The following ADAMTS16 variants were observed in gnomAD, a reference collection of about 807,000 sequenced individuals.
The protein encoded by ADAMTS16 is ADAM metallopeptidase with thrombospondin type 1 motif 16.
ADAMTS16 carries 94 observed loss-of-function variants against 145.8 expected under a neutral mutation model. That is an observed-to-expected ratio of 0.64 (90% confidence interval 0.55 to 0.77). The LOEUF (loss-of-function observed/expected upper bound fraction) is 0.77. Among genes scored for constraint, ADAMTS16 ranks in the 30% least tolerant of loss-of-function variants. ADAMTS16 has a pLI of 0.00. For synonymous variants in ADAMTS16, 659 were observed against 604.3 expected, an observed-to-expected ratio of 1.09 and a Z score of -1.33; for missense variants, 1,585 against 1,591.5, an observed-to-expected ratio of 1.00 and a Z score of 0.07.
intron 13 of ADAMTS16, among the ~76,000 whole-genome samples, chr5:5,236,554 T>A (rs1674373568): frequency 1.3e-5 from 2 of 152,206 alleles, no homozygotes; most frequent in African/African-American, 4.8e-5. Context: ...TTCAGTGATG[T>A]TTTTGATTCT....
At chr5:5,262,960 G>A (rs776730046) in intron 18 of ADAMTS16, among the ~76,000 whole-genome samples, 177 bp downstream of exon 18, 5 of 152,160 alleles carry the variant, frequency 3.3e-5, no homozygotes, top group Non-Finnish European at 5.9e-5. Flanking sequence ...GTGTTTAGGC[G>A]GGAAGTGGTC....
intron 3 of ADAMTS16, among the ~76,000 whole-genome samples, chr5:5,150,430 G>A (rs1204725949): frequency 2.5e-4 from 38 of 152,164 alleles, no homozygotes; most frequent in Non-Finnish European, 2.9e-5. Flanking sequence ...GAATCATCAC[G>A]GGCCGGTGCA....
At chr5:5,287,160 T>C (rs1374556997) in intron 18 of ADAMTS16, among the ~76,000 whole-genome samples, 1 of 152,144 alleles carries the variant, frequency 6.6e-6, no homozygotes, top group Non-Finnish European at 1.5e-5. Context: ...AGAATGGAAT[T>C]GTTCCAGACT....
rs763168736 is a variant in ADAMTS16 at position 5,222,221 on chromosome 5, G to C, written c.1606-568G>C. Among the ~76,000 whole-genome samples the C allele has an allele frequency of 5.9e-5, 9 of 152,182 alleles. 1 individual carries two copies. The highest frequency in any genetic ancestry group is 1.0e-4 in the Non-Finnish European group (7 of 68,038). ...TACCCTATGAAGACCAAGAGGCAAA[G>C]AAGGTCATGTTCACAATGGAACCTC... is the stretch of plus-strand genomic sequence containing the variant. On this transcript the variant is annotated intron_variant, in intron 10 of 22. Transcript: ENST00000274181.
At position 5,306,506 on chromosome 5, in the gene ADAMTS16, C is replaced by T. The variant is rs769649253; in HGVS notation, c.3189C>T (p.Cys1063=). ...LQWLVSAWSQ[C]SVTCERGTQK... ...TTCTTTTGTTCTCTTCTTTTTAGTG[C>T]TCTGTGACATGTGAAAGAGGAACAC... The change falls in exon 21 of 23, where the codon TGC becomes TGT. Residue 1063 remains cysteine (C), a splice_region_variant and synonymous_variant. Coordinates refer to ENST00000274181, the MANE Select transcript of ADAMTS16 (RefSeq NM_139056.4). The T allele has an allele frequency of 6.2e-7, 1 of 1,611,486 alleles. No individual in the cohort carries two copies. The highest frequency in any genetic ancestry group is 1.1e-5 in the South Asian group (1 of 90,898).
rs369236374 is a variant in ADAMTS16, at chr5:5,252,815, G to A, written c.2663-9842G>A. On this transcript the variant is annotated intron_variant, in intron 17 of 22. Transcript: ENST00000274181. ...CTATGCAGGAAAGGCCATGCCATAT[G>A]TAAGCATCAGCTTGCTCCCACCACC... Among the ~76,000 whole-genome samples, 10 of 152,248 alleles carry A rather than the reference G, an allele frequency of 6.6e-5. No homozygotes were observed. The East Asian group carries it at 1.5e-3, about 24-fold the overall frequency.
At chr5:5,316,285 C>T (rs1734056939) in intron 21 of ADAMTS16, among the ~76,000 whole-genome samples, 3 of 152,200 alleles carry the variant, frequency 2.0e-5, no homozygotes, top group South Asian at 4.1e-4. Flanking sequence ...CAGTGTGATC[C>T]TTGCATTTTA....
At chr5:5,232,644 C>A in intron 12 of ADAMTS16, 128 bp downstream of exon 12, 1 of 1,227,262 alleles carries the variant, frequency 8.1e-7, no homozygotes, top group Non-Finnish European at 1.1e-6. Context: ...CGCTCTGTCA[C>A]CCAGGCTGGA....
At chr5:5,241,999 A>G in intron 16 of ADAMTS16, 54 bp from the exon 17 acceptor site, 1 of 1,600,194 alleles carries the variant, frequency 6.2e-7, no homozygotes, top group South Asian at 1.1e-5. Flanking sequence ...GTTAGCATGT[A>G]CTTGCTGGTT....
chr5:5,262,696 A>C lies in ADAMTS16; in HGVS notation c.2702A>C (p.Lys901Thr). The change falls in exon 18 of 23, where the codon AAG (lysine) becomes ACG (threonine). Residue 901 changes from lysine to threonine, a missense_variant. Transcript: ENST00000274181. ...AGAGAGGGCTGCTACAGAGACCTGAAGTTTCAAGTAAATATGTCCTTCTGC... is the reference window on the plus strand; with the variant it reads ...AGAGAGGGCTGCTACAGAGACCTGACGTTTCAAGTAAATATGTCCTTCTGC... ...TVREGCYRDL[K>T]FQVNMSFCNP... The C allele has an allele frequency of 6.2e-7, 1 of 1,614,232 alleles. No homozygotes were observed. Among genetic ancestry groups the C allele is most frequent in the Admixed American group, 1.7e-5 (1 of 60,026 alleles).
chr5:5,236,082 A>G (rs1223261111), intron 13 of ADAMTS16, among the ~76,000 whole-genome samples: 1 of 152,248 alleles, frequency 6.6e-6, no homozygotes, highest in Non-Finnish European at 1.5e-5. Context: ...CCGTGGTTCA[A>G]AAATGTGTGT....
At chr5:5,261,319 G>A (rs115458223) in intron 17 of ADAMTS16, among the ~76,000 whole-genome samples, 8,402 of 151,968 alleles carry the variant, frequency 0.055, 303 homozygotes, top group African/African-American at 0.11. Context: ...TGTATTTTTT[G>A]TAGAGATGGG....
chr5:5,153,034 C>T (rs1467894633), intron 3 of ADAMTS16, among the ~76,000 whole-genome samples: 1 of 152,244 alleles, frequency 6.6e-6, no homozygotes, highest in African/African-American at 2.4e-5. Context: ...AGAACTAGCA[C>T]TTGAAACCAC....
chr5:5,267,074 C>G (rs2126442524), intron 18 of ADAMTS16, among the ~76,000 whole-genome samples: 1 of 152,256 alleles, frequency 6.6e-6, no homozygotes, highest in South Asian at 2.1e-4. Flanking sequence ...TGGAGGAGCT[C>G]CCTTTTCCCC....
At chr5:5,248,897 G>A (rs1386229280) in intron 17 of ADAMTS16, among the ~76,000 whole-genome samples, 1 of 152,208 alleles carries the variant, frequency 6.6e-6, no homozygotes, top group Admixed American at 6.5e-5. Context: ...TGTTTATATG[G>A]CTTGGTATAT....
intron 21 of ADAMTS16, among the ~76,000 whole-genome samples, chr5:5,316,889 C>G (rs1230106558): frequency 1.3e-5 from 2 of 152,208 alleles, no homozygotes; most frequent in Non-Finnish European, 2.9e-5. Context: ...AGAGAACAAG[C>G]CTGGTATCCC....
At chr5:5,316,770 G>T (rs929724383) in intron 21 of ADAMTS16, among the ~76,000 whole-genome samples, 1 of 152,168 alleles carries the variant, frequency 6.6e-6, no homozygotes, top group Non-Finnish European at 1.5e-5. Context: ...TGTGGGTGAT[G>T]GTGCCACTGT....
At chr5:5,274,705 C>A (rs1000757153) in intron 18 of ADAMTS16, among the ~76,000 whole-genome samples, 1 of 146,362 alleles carries the variant, frequency 6.8e-6, no homozygotes, top group African/African-American at 2.6e-5. Context: ...TATATATACA[C>A]ATATATATGC....
At chr5:5,262,929 T>A (rs1300062339) in intron 18 of ADAMTS16, 146 bp downstream of exon 18, 1 of 1,190,958 alleles carries the variant, frequency 8.4e-7, no homozygotes, top group African/African-American at 1.5e-5. Flanking sequence ...AAGAGCTGCC[T>A]GGACAAGGGA....
Sources: gnomAD v4.1 joint callset for allele counts (sites outside exome capture counted in the v4.1 genomes callset) on GRCh38, gnomAD v4.1.1 for gene constraint, MANE v1.5 for transcripts, NCBI Gene and HGNC (gene_info 2026-07-23, HGNC 2026-07-21) for gene names.